Variants in ZNF536 observed in about 807,000 individuals in gnomAD.
The protein encoded by ZNF536 is zinc finger protein 536.
A neutral mutation model predicts 84.5 loss-of-function variants in ZNF536; 13 were observed. The ratio of observed to expected loss-of-function variants is 0.15; its 90% CI spans 0.10 to 0.24. The LOEUF is 0.24. Ranked by LOEUF, ZNF536 falls within the 10% of genes least tolerant of loss-of-function variation. ZNF536 has a pLI of 1.00. For missense variants in ZNF536, 1,536 were observed against 1,747.5 expected (o/e 0.88, Z 2.16); for synonymous variants, 811 against 742.5 (o/e 1.09, Z -1.50).
At chr19:30,533,717 A>C (rs1195331345) in intron 2 of ZNF536, among the ~76,000 whole-genome samples, 1 of 152,190 alleles carries the variant, frequency 6.6e-6, no homozygotes, top group Non-Finnish European at 1.5e-5. Context: ...TTATCCCAGA[A>C]GGTTCCCTTG....
At chr19:30,296,744 A>C (rs1335732690) in intron 2 of ZNF536, among the ~76,000 whole-genome samples, 1 of 152,214 alleles carries the variant, frequency 6.6e-6, no homozygotes, top group Non-Finnish European at 1.5e-5. Flanking sequence ...TGCTTGGGGC[A>C]GAGGCTGCGA....
intron 2 of ZNF536, among the ~76,000 whole-genome samples, chr19:30,474,566 T>A (rs947793683): frequency 6.6e-6 from 1 of 152,064 alleles, no homozygotes; most frequent in African/African-American, 2.4e-5. Context: ...TCTGTCGGGG[T>A]GAAAGCACTG....
intron 2 of ZNF536, among the ~76,000 whole-genome samples, chr19:30,337,146 T>C (rs543270481): frequency 6.6e-6 from 1 of 152,156 alleles, no homozygotes; most frequent in African/African-American, 2.4e-5. Flanking sequence ...TTCCTACTAC[T>C]CAAACTTGGA....
At chr19:30,563,593 G>A (rs527687085) in intron 1 of ZNF536, among the ~76,000 whole-genome samples, 50 of 152,250 alleles carry the variant, frequency 3.3e-4, no homozygotes, top group Middle Eastern at 3.4e-3. Flanking sequence ...GGTAAATGCC[G>A]CTGCAAAGTG....
At chr19:30,435,911 C>G (rs1361885277) in intron 1 of ZNF536, among the ~76,000 whole-genome samples, 1 of 152,194 alleles carries the variant, frequency 6.6e-6, no homozygotes, top group African/African-American at 2.4e-5. Flanking sequence ...GTGATGGAAG[C>G]TCTTTGCCTT....
At chr19:30,706,818 C>A (rs889705681) in intron 1 of ZNF536, among the ~76,000 whole-genome samples, 1 of 152,196 alleles carries the variant, frequency 6.6e-6, no homozygotes, top group Non-Finnish European at 1.5e-5. Flanking sequence ...GTAATTAGGA[C>A]AGTGGCCAGC....
chr19:30,677,371 G>T (rs1292797957), intron 1 of ZNF536, among the ~76,000 whole-genome samples: 2 of 152,206 alleles, frequency 1.3e-5, no homozygotes, highest in African/African-American at 4.8e-5. Flanking sequence ...TATCAATTTG[G>T]CCTCTGAAAG....
intron 1 of ZNF536, among the ~76,000 whole-genome samples, chr19:30,261,602 G>A (rs2025224006): frequency 6.6e-6 from 1 of 150,666 alleles, no homozygotes; most frequent in Non-Finnish European, 1.5e-5. Flanking sequence ...AGGAGGCTAA[G>A]GTGGGAGGGT....
At chr19:30,242,663 A>G (rs780142406) in intron 1 of ZNF536, among the ~76,000 whole-genome samples, 8 of 152,134 alleles carry the variant, frequency 5.3e-5, no homozygotes, top group Non-Finnish European at 1.2e-4. Context: ...ACTCTTCATC[A>G]CAAAGACCTA....
chr19:30,310,026 G>A (rs1419383561), intron 2 of ZNF536, among the ~76,000 whole-genome samples: 2 of 152,068 alleles, frequency 1.3e-5, no homozygotes, highest in Non-Finnish European at 2.9e-5. Context: ...AGAGTCCTGG[G>A]GTTCGAGAGC....
chr19:30,534,935 C>T lies in ZNF536; in HGVS notation c.2259C>T (p.Cys753=). 1 of 1,613,936 alleles carries T rather than the reference C, an allele frequency of 6.2e-7. No individual in the cohort carries two copies. The highest frequency in any genetic ancestry group is 1.1e-5 in the South Asian group (1 of 90,992). Residue 753 remains cysteine, a synonymous_variant, in exon 3 of 5, where the codon TGC becomes TGT. Transcript: ENST00000355537. ...GCCTGGGCTCGGCCATGAAGGACTG[C>T]CCGTACTGTGGGAAAACTTTCCGGA... ...DRSLGSAMKD[C]PYCGKTFRTS... is the part of the protein sequence containing the mutation.
chr19:30,692,590 A>G (rs2051456527), intron 1 of ZNF536, among the ~76,000 whole-genome samples: 1 of 152,254 alleles, frequency 6.6e-6, no homozygotes, highest in Non-Finnish European at 1.5e-5. Flanking sequence ...CTGAAGGGCC[A>G]GAAACGGAAC....
intron 2 of ZNF536, among the ~76,000 whole-genome samples, chr19:30,525,236 C>T (rs1327113013): frequency 6.6e-6 from 1 of 152,138 alleles, no homozygotes; most frequent in Non-Finnish European, 1.5e-5. Context: ...CCCTGGACAT[C>T]CCCAGGCCTC....
intron 1 of ZNF536, among the ~76,000 whole-genome samples, chr19:30,244,767 G>A (rs577186591): frequency 6.6e-6 from 1 of 152,194 alleles, no homozygotes; most frequent in Non-Finnish European, 1.5e-5. Context: ...GGCCAGGATC[G>A]GGGTGGCGAT....
At chr19:30,357,417 G>A (rs559759131) in intron 3 of ZNF536, among the ~76,000 whole-genome samples, 2 of 152,188 alleles carry the variant, frequency 1.3e-5, no homozygotes, top group South Asian at 4.2e-4. Flanking sequence ...TGGGGTGGAG[G>A]GCCTTTATCA....
chr19:30,321,888 C>T (rs1474010235), intron 2 of ZNF536, among the ~76,000 whole-genome samples: 7 of 151,846 alleles, frequency 4.6e-5, no homozygotes, highest in African/African-American at 1.2e-4. Flanking sequence ...ATCAATTCTC[C>T]GCCTCAGCTT....
intron 2 of ZNF536, among the ~76,000 whole-genome samples, chr19:30,450,293 T>TTTATAC (rs1568444212): frequency 1.3e-5 from 2 of 150,632 alleles, no homozygotes; most frequent in Non-Finnish European, 2.9e-5. Context: ...ATACCGGAGC[T>TTTATAC]CGGGGAGGCT....
intron 1 of ZNF536, among the ~76,000 whole-genome samples, chr19:30,683,165 T>C (rs2051042453): frequency 6.6e-6 from 1 of 152,142 alleles, no homozygotes; most frequent in Non-Finnish European, 1.5e-5. Context: ...ACCACCTTTA[T>C]GGCTGCGAGG....
At position 30,444,806 on chromosome 19, in the gene ZNF536, T is replaced by A. The variant is rs1263818285; in HGVS notation, c.1244T>A (p.Met415Lys). 3.7e-6 allele frequency: 6 copies of A among 1,613,888 alleles called. No individual in the cohort carries two copies. Among genetic ancestry groups the A allele is most frequent in the East Asian group, 2.2e-5 (1 of 44,880 alleles). ...AGCGACCCCGAGGTGCCTGTGCCCA[T>A]GGGCGGCATGTCCCAGGAGGCCCAC... is the stretch of plus-strand genomic sequence containing the variant. Reference protein sequence around the residue: ...SPSDPEVPVPMGGMSQEAHAN... With the variant: ...SPSDPEVPVPKGGMSQEAHAN... The change falls in exon 2 of 5, where the codon ATG becomes AAG. Residue 415 changes from methionine (M) to lysine (K), a missense_variant. Met to Lys is a moderately conservative substitution (Grantham distance 95). Coordinates refer to ENST00000355537, the MANE Select transcript of ZNF536 (RefSeq NM_014717.3).
Sources: allele counts gnomAD v4.1 joint callset (sites outside exome capture counted in the v4.1 genomes callset), GRCh38; gene constraint gnomAD v4.1.1; transcripts MANE v1.5; gene names NCBI Gene and HGNC (gene_info 2026-07-23, HGNC 2026-07-21).